The following CNTN6 variants were observed in gnomAD, a reference collection of about 807,000 sequenced individuals.
CNTN6 encodes the protein contactin-6.
Under a neutral mutation model 122.8 loss-of-function variants are expected in CNTN6, and 137 were observed. That is an observed-to-expected ratio of 1.12 (90% CI 0.97 to 1.29). CNTN6 has a LOEUF of 1.29. Ranked by LOEUF, CNTN6 falls within the 50% of genes most tolerant of loss-of-function variation. The pLI, the probability that CNTN6 is intolerant of heterozygous loss-of-function variation, is 0.00. For synonymous variants in CNTN6, 570 were observed against 426.0 expected (o/e 1.34, Z -4.16); for missense variants, 1,634 against 1,223.4 (o/e 1.34, Z -5.01).
chr3:1,358,484 A>G (rs1473052644), intron 12 of CNTN6, among the ~76,000 whole-genome samples: 2 of 150,378 alleles, frequency 1.3e-5, no homozygotes, highest in Non-Finnish European at 3.0e-5. Flanking sequence ...GGAATAAACT[A>G]TGTCATTAAG....
At position 1,404,068 on chromosome 3, in the gene CNTN6, ATCT is replaced by A. The variant is rs1174541526; in HGVS notation, c.*654_*656del. 1 of 152,130 alleles carries A rather than the reference ATCT, an allele frequency of 6.6e-6. No individual in the cohort carries two copies. The highest frequency in any genetic ancestry group is 1.5e-5 in the Non-Finnish European group (1 of 68,024). 9.4% of individuals were successfully genotyped at this position (152,130 alleles called of 1,614,324 possible). A position where few individuals can be genotyped will look rare whatever the true frequency, so the allele number is the denominator to read the frequency against. Reference sequence around the variant, plus strand: ...GGGAAATGAGCACCCACCTAAAATAATCTTCTAACAACTCTGGTATATATTAAG... The same window carrying A: ...GGGAAATGAGCACCCACCTAAAATAATCTAACAACTCTGGTATATATTAAG... On this transcript the variant is annotated 3_prime_UTR_variant, in exon 23 of 23. Coordinates refer to ENST00000446702, the MANE Select transcript of CNTN6 (RefSeq NM_001289080.2).
chr3:1,353,647 TACTC>T (rs1452552931), intron 12 of CNTN6, among the ~76,000 whole-genome samples: 1 of 151,656 alleles, frequency 6.6e-6, no homozygotes, highest in Non-Finnish European at 1.5e-5. Flanking sequence ...TTTTTGGCAA[TACTC>T]AGACACTGAA....
At chr3:1,271,093 G>T (rs2095018289) in intron 4 of CNTN6, among the ~76,000 whole-genome samples, 1 of 152,148 alleles carries the variant, frequency 6.6e-6, no homozygotes, top group African/African-American at 2.4e-5. Context: ...GCCCGGGCTG[G>T]TGTCCAACTC....
rs554499566 is a variant in CNTN6 at position 1,292,496 on chromosome 3, C to A, written c.455-3105C>A. 2.0e-5 allele frequency among the ~76,000 whole-genome samples: 3 copies of A among 152,208 alleles called. No homozygotes were observed. The East Asian group carries it at 5.8e-4, about 29-fold the overall frequency. On this transcript the variant is annotated intron_variant, in intron 5 of 22. Transcript: ENST00000446702. ...TGTCGAAAACACAGATCCCATGATA[C>A]CTGGCTCAGATAGAATAAATAAAAC...
chr3:1,256,545 T>A (rs1267921352), intron 4 of CNTN6, among the ~76,000 whole-genome samples: 1 of 152,158 alleles, frequency 6.6e-6, no homozygotes, highest in Non-Finnish European at 1.5e-5. Context: ...AGGGTCTGGA[T>A]TGCCAACAGA....
intron 12 of CNTN6, among the ~76,000 whole-genome samples, chr3:1,362,349 G>C (rs781657949): frequency 6.6e-6 from 1 of 152,082 alleles, no homozygotes; most frequent in African/African-American, 2.4e-5. Flanking sequence ...AATAGTAACA[G>C]GTCACAGCGA....
intron 2 of CNTN6, among the ~76,000 whole-genome samples, chr3:1,158,033 T>A (rs1316896451): frequency 6.6e-6 from 1 of 152,194 alleles, no homozygotes; most frequent in African/African-American, 2.4e-5. Flanking sequence ...TGCTGGATCA[T>A]ATGGGGGCCC....
intron 2 of CNTN6, among the ~76,000 whole-genome samples, chr3:1,157,155 A>C (rs1211182215): frequency 6.6e-6 from 1 of 151,716 alleles, no homozygotes; most frequent in Non-Finnish European, 1.5e-5. Flanking sequence ...TCCCTTAAGC[A>C]TTTATCCTTT....
At chr3:1,349,240 A>G (rs1297770350) in intron 11 of CNTN6, among the ~76,000 whole-genome samples, 1 of 151,860 alleles carries the variant, frequency 6.6e-6, no homozygotes, top group Non-Finnish European at 1.5e-5. Context: ...ATATAATAAT[A>G]TACATATAAT....
At chr3:1,149,504 TA>T in intron 2 of CNTN6, among the ~76,000 whole-genome samples, 1 of 152,288 alleles carries the variant, frequency 6.6e-6, no homozygotes, top group South Asian at 2.1e-4. Context: ...ATGAGAATGC[TA>T]AAATATGCAG....
chr3:1,287,794 C>A (rs1184965589), intron 5 of CNTN6, among the ~76,000 whole-genome samples: 1 of 152,184 alleles, frequency 6.6e-6, no homozygotes, highest in Admixed American at 6.5e-5. Flanking sequence ...GCCATGGCAA[C>A]TTCTAGAAGC....
chr3:1,150,885 C>CA (rs2092827017), intron 2 of CNTN6, among the ~76,000 whole-genome samples: 1 of 152,094 alleles, frequency 6.6e-6, no homozygotes, highest in African/African-American at 2.4e-5. Context: ...GAGGGGAAGG[C>CA]AATGAGGCAG....
At chr3:1,188,428 T>C (rs2093658187) in intron 2 of CNTN6, among the ~76,000 whole-genome samples, 1 of 152,218 alleles carries the variant, frequency 6.6e-6, no homozygotes, top group Non-Finnish European at 1.5e-5. Context: ...TTTGCAGAAG[T>C]TGATAATGCA....
chr3:1,304,523 C>A (rs1466333158), intron 7 of CNTN6, among the ~76,000 whole-genome samples: 1 of 152,040 alleles, frequency 6.6e-6, no homozygotes, highest in East Asian at 1.9e-4. Context: ...CCTCCATGTG[C>A]AGATGTAGTA....
At chr3:1,257,639 C>T (rs1346852360) in intron 4 of CNTN6, among the ~76,000 whole-genome samples, 1 of 152,076 alleles carries the variant, frequency 6.6e-6, no homozygotes, top group East Asian at 1.9e-4. Context: ...AGGTTTTCTG[C>T]TGTGGAGGCA....
At chr3:1,300,493 A>AAGGAAGGAAGGAAGGAAGGG (rs1233689441) in intron 7 of CNTN6, among the ~76,000 whole-genome samples, 172 of 119,538 alleles carry the variant, frequency 1.4e-3, no homozygotes, top group South Asian at 5.0e-3. Flanking sequence ...GGAAGGAAGG[A>AAGGAAGGAAGGAAGGAAGGG]AAAAGAAAAG....
At chr3:1,116,169 A>G (rs1312457252) in intron 1 of CNTN6, among the ~76,000 whole-genome samples, 1 of 152,184 alleles carries the variant, frequency 6.6e-6, no homozygotes, top group Non-Finnish European at 1.5e-5. Flanking sequence ...CAAGGAGTGT[A>G]AAACAGGAGA....
intron 1 of CNTN6, among the ~76,000 whole-genome samples, chr3:1,133,403 C>G (rs901377400): frequency 6.6e-6 from 1 of 152,124 alleles, no homozygotes; most frequent in Non-Finnish European, 1.5e-5. Flanking sequence ...AAATATTGTT[C>G]TAAGCAGGTT....
At chr3:1,375,634 C>G (rs985873571) in intron 16 of CNTN6, among the ~76,000 whole-genome samples, 20 of 152,208 alleles carry the variant, frequency 1.3e-4, no homozygotes, top group African/African-American at 4.8e-4. Context: ...TCTAAGCTGT[C>G]AAGCACTATA....
Sources: gnomAD v4.1 joint callset for allele counts (sites outside exome capture counted in the v4.1 genomes callset) on GRCh38, gnomAD v4.1.1 for gene constraint, MANE v1.5 for transcripts, NCBI Gene and HGNC (gene_info 2026-07-23, HGNC 2026-07-21) for gene names.